KCNIP4: variants seen among roughly 807,000 people sequenced by gnomAD.
KCNIP4 encodes Kv channel-interacting protein 4.
In KCNIP4, 12 loss-of-function variants were observed where a neutral mutation model predicts 34.0. The ratio of observed to expected loss-of-function variants is 0.35; its 90% CI spans 0.23 to 0.57. KCNIP4 has a LOEUF of 0.57. Among genes scored for constraint, KCNIP4 ranks in the 20% least tolerant of loss-of-function variants. The pLI is 0.83. For synonymous variants in KCNIP4, 124 were observed against 102.2 expected (o/e 1.21, Z -1.29); for missense variants, 238 against 311.7 (o/e 0.76, Z 1.78).
In KCNIP4 at chr4:21,589,156, GTATATATATATATATA is replaced by G. The variant is rs375787939; in HGVS notation, c.61+359399_61+359414del. On this transcript the variant is annotated intron_variant, in intron 1 of 8. Coordinates refer to ENST00000382152, the MANE Select transcript of KCNIP4 (RefSeq NM_025221.6). The stretch of plus-strand genomic sequence containing the variant: ...TGTAGGGGCACAAAAATGGAGGTGT[GTATATATATATATATA>G]TATATATATATATATATATATATAT... Among the ~76,000 whole-genome samples the G allele has an allele frequency of 4.1e-3, 294 of 71,242 alleles. 7 individuals carry two copies. The highest frequency in any genetic ancestry group is 6.1e-3 in the Non-Finnish European group (222 of 36,222). 46.7% of individuals were successfully genotyped at this position (71,242 alleles called of 152,430 possible).
chr4:21,572,941 T>C (rs1040846079), intron 1 of KCNIP4, among the ~76,000 whole-genome samples: 9 of 152,278 alleles, frequency 5.9e-5, no homozygotes, highest in Admixed American at 1.3e-4. Flanking sequence ...CCTTCTTTTC[T>C]TGCCTTTGTG....
At chr4:20,745,886 G>A (rs1752316706) in intron 5 of KCNIP4, among the ~76,000 whole-genome samples, 2 of 152,106 alleles carry the variant, frequency 1.3e-5, no homozygotes, top group Non-Finnish European at 2.9e-5. Flanking sequence ...GTAATGAGAT[G>A]ACCAATGTCA....
intron 3 of KCNIP4, among the ~76,000 whole-genome samples, chr4:20,785,075 C>T (rs1375575098): frequency 6.6e-6 from 1 of 152,080 alleles, no homozygotes; most frequent in Non-Finnish European, 1.5e-5. Context: ...AGAGAGGAAA[C>T]ACTGTTGGAC....
chr4:21,767,473 G>A (rs1489072818), intron 1 of KCNIP4, among the ~76,000 whole-genome samples: 1 of 151,910 alleles, frequency 6.6e-6, no homozygotes, highest in Non-Finnish European at 1.5e-5. Context: ...GAGAGAGGTC[G>A]ATGGCTAAGA....
chr4:21,065,754 ATATATATATAT>A (rs1560690335), intron 1 of KCNIP4, among the ~76,000 whole-genome samples: 21 of 143,448 alleles, frequency 1.5e-4, no homozygotes, highest in East Asian at 1.4e-3. Flanking sequence ...ATATATATAT[ATATATATATAT>A]AACTCAATTT....
chr4:21,210,582 C>T (rs1432092684), intron 1 of KCNIP4, among the ~76,000 whole-genome samples: 1 of 152,072 alleles, frequency 6.6e-6, no homozygotes, highest in East Asian at 1.9e-4. Context: ...TATCTAATAA[C>T]TTAGGTGGAT....
At chr4:20,761,296 T>C (rs1213134036) in intron 3 of KCNIP4, among the ~76,000 whole-genome samples, 2 of 152,194 alleles carry the variant, frequency 1.3e-5, no homozygotes, top group Admixed American at 6.5e-5. Flanking sequence ...TAAGTCTCTT[T>C]ATACTCACAC....
chr4:21,227,856 G>T (rs2109014597), intron 1 of KCNIP4, among the ~76,000 whole-genome samples: 1 of 152,216 alleles, frequency 6.6e-6, no homozygotes, highest in Non-Finnish European at 1.5e-5. Context: ...GGAGCGGACA[G>T]ATCAACTATC....
chr4:20,734,788 C>CAA, intron 5 of KCNIP4, 53 bp from the exon 6 acceptor site: 1 of 919,486 alleles, frequency 1.1e-6, no homozygotes, highest in South Asian at 1.7e-5. Context: ...AAAACAAAAA[C>CAA]AAAAAAAACA....
intron 1 of KCNIP4, among the ~76,000 whole-genome samples, chr4:21,659,274 C>G (rs1260432617): frequency 1.3e-5 from 2 of 151,864 alleles, no homozygotes; most frequent in Non-Finnish European, 2.9e-5. Context: ...TTTTAAAAAC[C>G]TAAATCTTGG....
At chr4:21,298,126 G>A (rs927275023) in intron 1 of KCNIP4, among the ~76,000 whole-genome samples, 5 of 152,048 alleles carry the variant, frequency 3.3e-5, no homozygotes, top group Admixed American at 1.3e-4. Context: ...ATTCCAAGGC[G>A]AGGCATATGC....
At chr4:21,028,764 A>T (rs1331588271) in intron 1 of KCNIP4, among the ~76,000 whole-genome samples, 2 of 152,242 alleles carry the variant, frequency 1.3e-5, no homozygotes, top group Non-Finnish European at 2.9e-5. Flanking sequence ...AAGACAATGC[A>T]AAAAGTGCAG....
chr4:21,114,953 CA>C (rs1358781075), intron 1 of KCNIP4, among the ~76,000 whole-genome samples: 3 of 152,086 alleles, frequency 2.0e-5, no homozygotes, highest in Non-Finnish European at 4.4e-5. Context: ...TAAAAAGACT[CA>C]AAAATAAAAC....
rs71191533 is a variant in KCNIP4 at position 21,683,446 on chromosome 4, A to ATTTTTTTTTTTTTTTTT, written c.61+265108_61+265124dup. ...TACGACTAATGATTGGTGAAGCCAG[A>ATTTTTTTTTTTTTTTTT]TTTTTTTTTTTTTTTTTTTTTTTTT... is the stretch of plus-strand genomic sequence containing the variant. On this transcript the variant is annotated intron_variant, in intron 1 of 8. Transcript: ENST00000382152. Among the ~76,000 whole-genome samples the ATTTTTTTTTTTTTTTTT allele has an allele frequency of 5.4e-4, 25 of 46,614 alleles. 8 individuals are homozygous for ATTTTTTTTTTTTTTTTT. The highest frequency in any genetic ancestry group is 1.0e-3 in the Non-Finnish European group (25 of 24,004). The allele number at this position is 46,614 out of a possible 152,430, so 30.6% of individuals were successfully genotyped here. A position where few individuals can be genotyped will look rare whatever the true frequency, so the allele number is the denominator to read the frequency against.
chr4:21,234,037 T>G (rs1320395607), intron 1 of KCNIP4, among the ~76,000 whole-genome samples: 1 of 120,250 alleles, frequency 8.3e-6, no homozygotes, highest in Non-Finnish European at 1.6e-5. Flanking sequence ...ATATAACATA[T>G]ATAACATATA....
chr4:21,079,073 C>A (rs1048994686), intron 1 of KCNIP4, among the ~76,000 whole-genome samples: 2 of 152,068 alleles, frequency 1.3e-5, no homozygotes, highest in African/African-American at 4.8e-5. Flanking sequence ...AAGTCACGTG[C>A]CCCAACTTGG....
chr4:21,514,518 A>C (rs1734597876), intron 1 of KCNIP4, among the ~76,000 whole-genome samples: 1 of 152,216 alleles, frequency 6.6e-6, no homozygotes, highest in African/African-American at 2.4e-5. Context: ...AGAGCCAACA[A>C]AAACAGCCCT....
At chr4:21,855,282 T>C (rs1283859526) in intron 1 of KCNIP4, among the ~76,000 whole-genome samples, 1 of 152,216 alleles carries the variant, frequency 6.6e-6, no homozygotes, top group Non-Finnish European at 1.5e-5. Context: ...TCTCTCAGTC[T>C]TCTCTCCTGC....
intron 1 of KCNIP4, among the ~76,000 whole-genome samples, chr4:20,901,367 C>T (rs1023449938): frequency 6.6e-5 from 10 of 152,180 alleles, no homozygotes; most frequent in South Asian, 2.1e-4. Flanking sequence ...CAGCCTCACC[C>T]GGTAGCTTGT....
Sources: allele counts gnomAD v4.1 joint callset (sites outside exome capture counted in the v4.1 genomes callset), GRCh38; gene constraint gnomAD v4.1.1; transcripts MANE v1.5; gene names NCBI Gene and HGNC (gene_info 2026-07-23, HGNC 2026-07-21).